PPIE: variants seen among roughly 807,000 people sequenced by gnomAD.
The protein encoded by PPIE is peptidyl-prolyl cis-trans isomerase E.
Under a neutral mutation model 38.4 loss-of-function variants are expected in PPIE, and 20 were observed. The ratio of observed to expected loss-of-function variants is 0.52; its 90% CI spans 0.37 to 0.76. The LOEUF is 0.76. Ranked by LOEUF, PPIE falls within the 30% of genes least tolerant of loss-of-function variation. The pLI is 0.00. For missense variants in PPIE, 322 were observed against 385.8 expected (o/e 0.83, Z 1.39); for synonymous variants, 142 against 135.7 (o/e 1.05, Z -0.32).
chr1:39,750,026 G>A (rs187821050), intron 8 of PPIE, among the ~76,000 whole-genome samples: 59 of 152,086 alleles, frequency 3.9e-4, no homozygotes, highest in South Asian at 1.5e-3. Flanking sequence ...CTAGCTGCTC[G>A]GAAGGCTGAG....
chr1:39,745,739 CT>C (rs35793702), intron 7 of PPIE: 10 of 485,124 alleles, frequency 2.1e-5, no homozygotes, highest in East Asian at 6.9e-5. Context: ...ATAATGTATT[CT>C]TTTTTTTAAA....
Position 39,753,045 on chromosome 1 carries a change from A to C in PPIE, c.830A>C (p.Gln277Pro). 1.2e-6 allele frequency: 2 copies of C among 1,614,156 alleles called. No individual in the cohort carries two copies. The highest frequency in any genetic ancestry group is 1.7e-6 in the Non-Finnish European group (2 of 1,180,018). Residue 277 changes from glutamine to proline, a missense_variant, in exon 9 of 10, where the codon CAA becomes CCA. By Grantham distance (76) the Gln-to-Pro change is moderately conservative. Coordinates refer to ENST00000324379, the MANE Select transcript of PPIE (RefSeq NM_006112.4). Reference sequence around the variant, plus strand: ...ACCGAAGGCCTAGATGTCTTGCGGCAAATTGAGGTATGTGGCCAGGAATGG... The same window carrying C: ...ACCGAAGGCCTAGATGTCTTGCGGCCAATTGAGGTATGTGGCCAGGAATGG... ...EVTEGLDVLR[Q>P]IEAQGSKDGK...
Position 39,743,284 on chromosome 1 carries a change from C to A in PPIE, c.270C>A (p.Gly90=), listed in dbSNP as rs372152870. ...CCAAACCAATGAGAATTAAGGAAGG[C>A]TCTTCCAGGCCAGGTGAGTAGGAGC... ...NLAKPMRIKE[G]SSRPVWSDDD... Residue 90 remains glycine (G), a synonymous_variant, in exon 5 of 10, where the codon GGC becomes GGA. Transcript: ENST00000324379. 1.1e-4 allele frequency: 172 copies of A among 1,614,056 alleles called. No individual in the cohort carries two copies. In the East Asian group the frequency reaches 3.3e-3, roughly 31 times the overall value.
chr1:39,752,348 G>A (rs1191032013), intron 8 of PPIE, among the ~76,000 whole-genome samples: 1 of 152,094 alleles, frequency 6.6e-6, no homozygotes, highest in African/African-American at 2.4e-5. Flanking sequence ...ACAGCTCTTG[G>A]CCTTCTCCCC....
chr1:39,754,204 C>T lies in PPIE; in HGVS notation c.*849C>T, dbSNP rs2124374977. 1.9e-6 allele frequency: 1 copy of T among 536,544 alleles called. No homozygotes were observed. The highest frequency in any genetic ancestry group is 2.1e-5 in the African/African-American group (1 of 48,506). The allele number at this position is 536,544 out of a possible 1,614,324, so 33.2% of individuals were successfully genotyped here. On this transcript the variant is annotated 3_prime_UTR_variant, in exon 10 of 10. Transcript: ENST00000324379. ...ACATATTGTCCATGGTGGTTTCTTA[C>T]TGCAGTGGCAGAGGTGCGTAAGGGG...
At position 39,754,891 on chromosome 1, in the gene PPIE, A is replaced by T; in HGVS notation, c.*1536A>T. 4.8e-6 allele frequency: 2 copies of T among 420,258 alleles called. No homozygotes were observed. Among genetic ancestry groups the T allele is most frequent in the Non-Finnish European group, 6.4e-6 (2 of 313,394 alleles). 26.0% of individuals were successfully genotyped at this position (420,258 alleles called of 1,614,324 possible). On this transcript the variant is annotated 3_prime_UTR_variant, in exon 10 of 10. Coordinates refer to ENST00000324379, the MANE Select transcript of PPIE (RefSeq NM_006112.4). Reference sequence around the variant, plus strand: ...AGAAACCATCATCACAGCAACATCTAGACTAGTGTTTGACTAAAAACTGGA... The same window carrying T: ...AGAAACCATCATCACAGCAACATCTTGACTAGTGTTTGACTAAAAACTGGA...
Position 39,745,612 on chromosome 1 carries a change from T to C in PPIE, c.508+114T>C, listed in dbSNP as rs559392836. On this transcript the variant is annotated intron_variant, in intron 7 of 9. Coordinates refer to ENST00000324379, the MANE Select transcript of PPIE (RefSeq NM_006112.4). ...CCTTGATATTGCTTCTGACCTAAGTTGATTTGAGGCATCTCAGATCCTGGG... is the reference window on the plus strand; with the variant it reads ...CCTTGATATTGCTTCTGACCTAAGTCGATTTGAGGCATCTCAGATCCTGGG... 4 of 1,520,000 alleles carry C rather than the reference T, an allele frequency of 2.6e-6. No individual in the cohort carries two copies. In the Admixed American group the frequency reaches 5.7e-5, roughly 22 times the overall value. 94.2% of individuals were successfully genotyped at this position (1,520,000 alleles called of 1,614,324 possible).
chr1:39,759,724 G>A (rs913489740), downstream of PPIE: 6 of 152,226 alleles, frequency 3.9e-5, no homozygotes, highest in African/African-American at 1.4e-4. Context: ...AAAGTAAAAT[G>A]TCCATGCTCT....
Position 39,753,052 on chromosome 1 carries a change from G to A in PPIE, c.837G>A (p.Glu279=). Residue 279 remains glutamate, a splice_region_variant and synonymous_variant, in exon 9 of 10, where the codon GAG becomes GAA. Transcript: ENST00000324379. The part of the protein sequence containing the change: ...TEGLDVLRQI[E]AQGSKDGKPK... ...GCCTAGATGTCTTGCGGCAAATTGA[G>A]GTATGTGGCCAGGAATGGGCCTCCT... 1.2e-6 allele frequency: 2 copies of A among 1,614,158 alleles called. No individual in the cohort carries two copies. Among genetic ancestry groups the A allele is most frequent in the Non-Finnish European group, 8.5e-7 (1 of 1,180,016 alleles).
At chr1:39,757,848 A>G (rs1648455819), downstream of PPIE, 1 of 152,160 alleles carries the variant, frequency 6.6e-6, no homozygotes, top group African/African-American at 2.4e-5. Context: ...TGCTCAAGGG[A>G]TTTTTCTATT....
chr1:39,740,663 G>A (rs538186839), intron 2 of PPIE, among the ~76,000 whole-genome samples: 5 of 152,344 alleles, frequency 3.3e-5, no homozygotes, highest in South Asian at 4.1e-4. Context: ...GGGTGAGGGC[G>A]GGGGTTCTTG....
intron 7 of PPIE, chr1:39,745,715 A>T (rs1647186124): frequency 1.7e-6 from 1 of 578,188 alleles, no homozygotes; most frequent in East Asian, 3.0e-5. Context: ...ATCGTTTTTT[A>T]AAAATACAAG....
chr1:39,740,096 A>G, intron 1 of PPIE, 69 bp from the exon 2 acceptor site: 1 of 1,249,644 alleles, frequency 8.0e-7, no homozygotes, highest in Non-Finnish European at 1.2e-6. Context: ...TAGCATGCTA[A>G]CTGGGCTGCA....
rs1647941668 is a variant in PPIE at position 39,753,265 on chromosome 1, T to G, written c.838-22T>G. On this transcript the variant is annotated intron_variant, in intron 9 of 9. Transcript: ENST00000324379. ...ACTGTTAGTCTCCGGCCTTACTCCC[T>G]CACTTCTATTCTGCCACAAAGGCCC... 5 of 1,613,304 alleles carry G rather than the reference T, an allele frequency of 3.1e-6. No homozygotes were observed. The East Asian group carries it at 1.1e-4, about 36-fold the overall frequency.
At chr1:39,749,217 CAT>C (rs1569683732) in intron 8 of PPIE, 129 bp downstream of exon 8, 1 of 943,532 alleles carries the variant, frequency 1.1e-6, no homozygotes, top group African/African-American at 1.7e-5. Flanking sequence ...AGCCACCAGA[CAT>C]AGGAGAACCA....
downstream of PPIE, among the ~76,000 whole-genome samples, chr1:39,761,736 A>T (rs982528941): frequency 1.3e-4 from 20 of 152,186 alleles, no homozygotes; most frequent in African/African-American, 4.8e-4. Flanking sequence ...CCAGCTGCTG[A>T]CTGGCCCCCT....
intron 8 of PPIE, among the ~76,000 whole-genome samples, chr1:39,751,748 C>T (rs1457894701): frequency 6.6e-6 from 1 of 152,082 alleles, no homozygotes; most frequent in East Asian, 1.9e-4. Flanking sequence ...AGGCCCCCAC[C>T]TGCTAAATGC....
At chr1:39,752,778 C>T (rs548720789) in intron 8 of PPIE, 132 bp from the exon 9 acceptor site, 45 of 1,014,798 alleles carry the variant, frequency 4.4e-5, no homozygotes, top group Admixed American at 3.4e-4. Context: ...ATAAGGTGGC[C>T]GCATTTGCAT....
chr1:39,760,461 G>A (rs1372157593), downstream of PPIE: 3 of 1,614,172 alleles, frequency 1.9e-6, no homozygotes, highest in Non-Finnish European at 8.5e-7. Flanking sequence ...TGCGGTGCTT[G>A]CGCAGGATGA....
Sources: allele counts gnomAD v4.1 joint callset (sites outside exome capture counted in the v4.1 genomes callset), GRCh38; gene constraint gnomAD v4.1.1; transcripts MANE v1.5; gene names NCBI Gene and HGNC (gene_info 2026-07-23, HGNC 2026-07-21).